The following ITPR1 variants were observed in gnomAD, a reference collection of about 807,000 sequenced individuals.
The protein encoded by ITPR1 is inositol 1,4,5-trisphosphate receptor type 1.
Under a neutral mutation model 318.4 loss-of-function variants are expected in ITPR1, and 96 were observed. The observed-to-expected ratio is 0.30, with a 90% CI of 0.26 to 0.36. The LOEUF is 0.36. ITPR1 is among the 10% of genes least tolerant of loss of function. The probability of loss-of-function intolerance (pLI) is 1.00; values close to 1 mark genes in which losing one functional copy is unlikely to be tolerated. For missense variants in ITPR1, 2,440 were observed against 3,460.2 expected, an observed-to-expected ratio of 0.71 and a Z score of 7.40; for synonymous variants, 1,312 against 1,289.9, an observed-to-expected ratio of 1.02 and a Z score of -0.37.
intron 4 of ITPR1, among the ~76,000 whole-genome samples, chr3:4,547,217 G>A (rs190934041): frequency 3.5e-3 from 538 of 152,146 alleles, no homozygotes; most frequent in African/African-American, 0.012. Context: ...GGAAAGATTC[G>A]GCCTGACATT....
chr3:4,651,069 A>T (rs1352914564), intron 10 of ITPR1, among the ~76,000 whole-genome samples: 1 of 152,000 alleles, frequency 6.6e-6, no homozygotes, highest in East Asian at 1.9e-4. Flanking sequence ...CCAAGATGGG[A>T]CCCCTTTGAT....
At chr3:4,518,820 A>G (rs2082347879) in intron 3 of ITPR1, among the ~76,000 whole-genome samples, 1 of 152,200 alleles carries the variant, frequency 6.6e-6, no homozygotes, top group Non-Finnish European at 1.5e-5. Flanking sequence ...CTGTAATCCC[A>G]GCTACTTGGG....
chr3:4,684,529 C>G (rs568502109), intron 29 of ITPR1, among the ~76,000 whole-genome samples, 183 bp downstream of exon 29: 1 of 152,318 alleles, frequency 6.6e-6, no homozygotes, highest in African/African-American at 2.4e-5. Context: ...GCTCCACACC[C>G]AGCTCTTCTA....
intron 44 of ITPR1, chr3:4,751,122 T>C (rs1249490316): frequency 1.3e-5 from 2 of 152,696 alleles, no homozygotes; most frequent in East Asian, 1.9e-4. Context: ...TCCTCCTTTG[T>C]CCTCTTGCCC....
intron 53 of ITPR1, among the ~76,000 whole-genome samples, chr3:4,798,850 AT>A (rs538866806): frequency 9.2e-5 from 14 of 152,318 alleles, no homozygotes; most frequent in Middle Eastern, 3.4e-3. Context: ...TGATAGGATT[AT>A]TTTCCCATTT....
chr3:4,768,327 G>A (rs998353148), intron 45 of ITPR1, 184 bp from the exon 46 acceptor site: 2 of 597,862 alleles, frequency 3.3e-6, no homozygotes, highest in Non-Finnish European at 5.6e-6. Context: ...TAAGGTGGCA[G>A]GGCCTGGCTC....
In ITPR1 at chr3:4,765,241, G is replaced by A. The variant is rs747917976; in HGVS notation, c.5545-1289G>A. Among the ~76,000 whole-genome samples the A allele has an allele frequency of 2.0e-5, 3 of 152,014 alleles. No individual in the cohort carries two copies. In the South Asian group the frequency reaches 6.2e-4, roughly 32 times the overall value. ...ATTTGGCAGTGGCTGGAGGGAAAAC[G>A]AACCAGGGAGCACAGGCAGGATGGA... On this transcript the variant is annotated intron_variant, in intron 44 of 61. Transcript: ENST00000649015.
At chr3:4,537,859 A>G (rs2084029167) in intron 4 of ITPR1, among the ~76,000 whole-genome samples, 1 of 152,208 alleles carries the variant, frequency 6.6e-6, no homozygotes, top group Non-Finnish European at 1.5e-5. Flanking sequence ...TTGTTATAGC[A>G]TTGGTAAGAA....
At chr3:4,516,130 T>C (rs888695495) in intron 2 of ITPR1, among the ~76,000 whole-genome samples, 1 of 152,254 alleles carries the variant, frequency 6.6e-6, no homozygotes, top group Non-Finnish European at 1.5e-5. Context: ...GGTAACTCCC[T>C]AGTCACTGCC....
chr3:4,597,661 A>G (rs145333319), intron 4 of ITPR1, among the ~76,000 whole-genome samples: 13 of 152,328 alleles, frequency 8.5e-5, no homozygotes, highest in African/African-American at 3.1e-4. Flanking sequence ...TGTAGAAATG[A>G]GAGAGAAAGC....
intron 4 of ITPR1, among the ~76,000 whole-genome samples, chr3:4,604,314 T>G (rs1186802477): frequency 4.6e-5 from 7 of 151,636 alleles, no homozygotes; most frequent in Non-Finnish European, 8.8e-5. Context: ...GTTGTGGAGG[T>G]GGAAGGGAGG....
At chr3:4,734,801 G>A (rs1240405573) in intron 43 of ITPR1, among the ~76,000 whole-genome samples, 1 of 152,236 alleles carries the variant, frequency 6.6e-6, no homozygotes, top group Non-Finnish European at 1.5e-5. Context: ...TCTAAGAAGT[G>A]TTTGACTTTG....
chr3:4,634,280 C>G (rs2093110225), intron 5 of ITPR1, among the ~76,000 whole-genome samples: 1 of 151,866 alleles, frequency 6.6e-6, no homozygotes, highest in African/African-American at 2.4e-5. Context: ...GTGACATGTT[C>G]CCGGCTCACT....
At chr3:4,568,690 A>C (rs927450546) in intron 4 of ITPR1, among the ~76,000 whole-genome samples, 1 of 152,160 alleles carries the variant, frequency 6.6e-6, no homozygotes, top group Non-Finnish European at 1.5e-5. Flanking sequence ...TTGAGTAAGG[A>C]ATGAGCCATG....
At chr3:4,498,439 G>C (rs1294074091) in intron 2 of ITPR1, among the ~76,000 whole-genome samples, 2 of 152,160 alleles carry the variant, frequency 1.3e-5, no homozygotes, top group African/African-American at 4.8e-5. Flanking sequence ...GGCCAGGGGA[G>C]AGTGCTAGGA....
At chr3:4,768,120 C>T (rs542230069) in intron 45 of ITPR1, 62 of 166,212 alleles carry the variant, frequency 3.7e-4, no homozygotes, top group Middle Eastern at 2.7e-3. Flanking sequence ...TCAGGCATTA[C>T]GACAACAATA....
chr3:4,739,356 G>C (rs1430503296), intron 44 of ITPR1, among the ~76,000 whole-genome samples: 1 of 152,174 alleles, frequency 6.6e-6, no homozygotes, highest in African/African-American at 2.4e-5. Context: ...AAGGGAAATG[G>C]GTCTGTGGTC....
intron 4 of ITPR1, among the ~76,000 whole-genome samples, chr3:4,537,857 G>A (rs989071986): frequency 6.6e-6 from 1 of 152,146 alleles, no homozygotes; most frequent in Admixed American, 6.5e-5. Context: ...ATTTGTTATA[G>A]CATTGGTAAG....
intron 4 of ITPR1, among the ~76,000 whole-genome samples, chr3:4,594,769 G>T (rs778841578): frequency 1.3e-5 from 2 of 152,120 alleles, no homozygotes; most frequent in Admixed American, 6.6e-5. Flanking sequence ...GAAATGTGTG[G>T]CAGGAGTGTT....
Sources: gnomAD v4.1 joint callset for allele counts (sites outside exome capture counted in the v4.1 genomes callset) on GRCh38, gnomAD v4.1.1 for gene constraint, MANE v1.5 for transcripts, NCBI Gene and HGNC (gene_info 2026-07-23, HGNC 2026-07-21) for gene names.